HKDC1: variants seen among roughly 807,000 people sequenced by gnomAD.
The protein encoded by HKDC1 is hexokinase HKDC1.
A neutral mutation model predicts 96.6 loss-of-function variants in HKDC1; 66 were observed. That is an observed-to-expected ratio of 0.68 (90% confidence interval 0.56 to 0.84). The LOEUF (loss-of-function observed/expected upper bound fraction) is 0.84. HKDC1 is among the 40% of genes least tolerant of loss of function. The pLI is 0.00. For synonymous variants in HKDC1, 466 were observed against 473.1 expected, an observed-to-expected ratio of 0.98 and a Z score of 0.20; for missense variants, 1,211 against 1,208.1, an observed-to-expected ratio of 1.00 and a Z score of -0.04.
chr10:69,265,643 A>G lies in HKDC1; in HGVS notation c.2431A>G (p.Thr811Ala), dbSNP rs1843884243. 2 of 1,614,056 alleles carry G rather than the reference A, an allele frequency of 1.2e-6. No individual in the cohort carries two copies. Among genetic ancestry groups the G allele is most frequent in the Non-Finnish European group, 1.7e-6 (2 of 1,179,986 alleles). ...RILQQLGLDS[T>A]CEDSIVVKEV... ...TCTGCAGCAGCTGGGCCTGGACAGCACGTGTGAGGACAGCATCGTGGTGAA... is the reference window on the plus strand; with the variant it reads ...TCTGCAGCAGCTGGGCCTGGACAGCGCGTGTGAGGACAGCATCGTGGTGAA... The change falls in exon 17 of 18, where the codon ACG becomes GCG. Residue 811 changes from threonine to alanine, a missense_variant. Coordinates refer to ENST00000354624, the MANE Select transcript of HKDC1 (RefSeq NM_025130.4).
intron 4 of HKDC1, among the ~76,000 whole-genome samples, chr10:69,237,410 A>G (rs923530955): frequency 6.6e-6 from 1 of 152,038 alleles, no homozygotes; most frequent in Admixed American, 6.6e-5. Context: ...GAAAATAGAA[A>G]TCACCACTCA....
chr10:69,261,104 G>GCA (rs1374636828), intron 15 of HKDC1, 35 bp from the exon 16 acceptor site: 2 of 1,596,938 alleles, frequency 1.3e-6, no homozygotes. Flanking sequence ...CTGCATTGCA[G>GCA]GTCTGCCCCA....
At chr10:69,246,719 C>T (rs148762526) in intron 8 of HKDC1, among the ~76,000 whole-genome samples, 100 of 152,334 alleles carry the variant, frequency 6.6e-4, no homozygotes, top group African/African-American at 2.3e-3. Flanking sequence ...GATGTGAGGC[C>T]TTACACACAG....
chr10:69,233,085 C>A lies in HKDC1; in HGVS notation c.447C>A (p.Pro149=). ...KTKDLKHKKL[P]LGLTFSFPCR... ...AAGATTTAAAGCATAAGAAATTGCCCCTTGGCCTAACTTTTTCTTTCCCCT... is the reference window on the plus strand; with the variant it reads ...AAGATTTAAAGCATAAGAAATTGCCACTTGGCCTAACTTTTTCTTTCCCCT... Residue 149 remains proline (P), a synonymous_variant, in exon 4 of 18, where the codon CCC becomes CCA. Transcript: ENST00000354624. 1 of 1,614,140 alleles carries A rather than the reference C, an allele frequency of 6.2e-7. No individual in the cohort carries two copies. The highest frequency in any genetic ancestry group is 1.1e-5 in the South Asian group (1 of 91,082).
Position 69,264,197 on chromosome 10 carries a change from CTGTGTGTGTGTGTGTGTG to C in HKDC1, c.2373-1360_2373-1343del, listed in dbSNP as rs34401681. Among the ~76,000 whole-genome samples the C allele has an allele frequency of 2.1e-4, 30 of 139,542 alleles. 1 individual carries two copies. The highest frequency in any genetic ancestry group is 8.4e-4 in the East Asian group (4 of 4,762). 91.5% of individuals were successfully genotyped at this position (139,542 alleles called of 152,430 possible). ...TCCCAATGTCTGAATAGATTTCCTTCTGTGTGTGTGTGTGTGTGTGTGTGTGTGTGTGTGTGTGTGTGT... is the reference window on the plus strand; with the variant it reads ...TCCCAATGTCTGAATAGATTTCCTTCTGTGTGTGTGTGTGTGTGTGTGTGT... On this transcript the variant is annotated intron_variant, in intron 16 of 17. Transcript: ENST00000354624.
rs1255962795 is a variant in HKDC1 at position 69,227,353 on chromosome 10, C to A, written c.210C>A (p.Ala70=). 1 of 1,614,184 alleles carries A rather than the reference C, an allele frequency of 6.2e-7. No individual in the cohort carries two copies. Among genetic ancestry groups the A allele is most frequent in the Admixed American group, 1.7e-5 (1 of 60,018 alleles). Residue 70 remains alanine, a synonymous_variant, in exon 2 of 18, where the codon GCC becomes GCA. Coordinates refer to ENST00000354624, the MANE Select transcript of HKDC1 (RefSeq NM_025130.4). ...AVKMLPTFVR[A]IPDGSENGEF... ...AGATGTTGCCCACCTTCGTCAGGGC[C>A]ATTCCCGATGGTTCCGGTGAGTGCA...
chr10:69,239,998 A>T (rs1487159375), intron 5 of HKDC1, among the ~76,000 whole-genome samples: 1 of 152,176 alleles, frequency 6.6e-6, no homozygotes, highest in Non-Finnish European at 1.5e-5. Flanking sequence ...AGAACAGGAA[A>T]TCCAGACAGG....
At position 69,246,100 on chromosome 10, in the gene HKDC1, C is replaced by T. The variant is rs746020928; in HGVS notation, c.897C>T (p.Gly299=). The T allele has an allele frequency of 6.2e-7, 1 of 1,614,104 alleles. No homozygotes were observed. Among genetic ancestry groups the T allele is most frequent in the East Asian group, 2.2e-5 (1 of 44,898 alleles). The change falls in exon 8 of 18, where the codon GGC becomes GGT. Residue 299 remains glycine, a synonymous_variant. Coordinates refer to ENST00000354624, the MANE Select transcript of HKDC1 (RefSeq NM_025130.4). ...GCAGGTTCGAGAAGATGATCAGTGG[C>T]CTGTACCTGGGGGAGCTTGTCAGGC... The part of the protein sequence containing the change: ...GKQLFEKMIS[G]LYLGELVRLI...
chr10:69,266,508 G>C, intron 17 of HKDC1, 102 bp from the exon 18 acceptor site: 1 of 1,276,812 alleles, frequency 7.8e-7, no homozygotes, highest in Non-Finnish European at 1.1e-6. Flanking sequence ...GCCTTGAAAA[G>C]CAAACCAAAG....
intron 12 of HKDC1, among the ~76,000 whole-genome samples, chr10:69,250,918 ATAT>A (rs1364728081): frequency 7.2e-5 from 11 of 152,156 alleles, no homozygotes; most frequent in African/African-American, 2.7e-4. Flanking sequence ...AGGTCGAATC[ATAT>A]TATGGAGAGA....
chr10:69,256,718 G>T (rs1050167730), intron 12 of HKDC1, among the ~76,000 whole-genome samples: 3 of 151,396 alleles, frequency 2.0e-5, no homozygotes, highest in Admixed American at 1.3e-4. Flanking sequence ...AAAAAAAAAA[G>T]AAAGAAAGAA....
chr10:69,248,518 G>C lies in HKDC1; in HGVS notation c.1360G>C (p.Ala454Pro). 2 of 1,613,376 alleles carry C rather than the reference G, an allele frequency of 1.2e-6. No homozygotes were observed. The highest frequency in any genetic ancestry group is 2.2e-5 in the South Asian group (2 of 91,046). ...LSESGSTKGA[A>P]MVTAVASRVQ... ...AGAGAGTGGCAGCACCAAGGGGGCC[G>C]CCATGGTGACCGCGGTGGCCTCCCG... The change falls in exon 10 of 18, where the codon GCC becomes CCC. Residue 454 changes from alanine to proline, a missense_variant. Transcript: ENST00000354624.
At chr10:69,260,575 C>T (rs1843789626) in intron 15 of HKDC1, among the ~76,000 whole-genome samples, 1 of 152,158 alleles carries the variant, frequency 6.6e-6, no homozygotes, top group South Asian at 2.1e-4. Context: ...AACCCAAGCC[C>T]AGCACATAAA....
chr10:69,256,581 G>C (rs555493570), intron 12 of HKDC1, among the ~76,000 whole-genome samples: 1 of 152,160 alleles, frequency 6.6e-6, no homozygotes, highest in Non-Finnish European at 1.5e-5. Flanking sequence ...GGTGGCACAT[G>C]CCAGTAATCC....
intron 4 of HKDC1, among the ~76,000 whole-genome samples, chr10:69,235,404 A>G (rs945115623): frequency 2.6e-5 from 4 of 152,074 alleles, no homozygotes; most frequent in African/African-American, 9.7e-5. Flanking sequence ...CCTGGGTGAC[A>G]GCGCGAGACT....
At chr10:69,250,014 A>T (rs2132362116) in intron 10 of HKDC1, among the ~76,000 whole-genome samples, 2 of 152,344 alleles carry the variant, frequency 1.3e-5, no homozygotes, top group South Asian at 4.1e-4. Context: ...ACTCCAGGCC[A>T]GGGCTCTTTT....
At position 69,243,288 on chromosome 10, in the gene HKDC1, C is replaced by T. The variant is rs773579729; in HGVS notation, c.798C>T (p.Asp266=). ...CINTEWGAFG[D]DGALEDIRTE... is the part of the protein sequence containing the mutation. Reference sequence around the variant, plus strand: ...ACACAGAGTGGGGGGCCTTCGGGGACGACGGGGCCCTGGAGGACATTCGCA... The same window carrying T: ...ACACAGAGTGGGGGGCCTTCGGGGATGACGGGGCCCTGGAGGACATTCGCA... Residue 266 remains aspartate (D), a synonymous_variant, in exon 7 of 18, where the codon GAC becomes GAT. Coordinates refer to ENST00000354624, the MANE Select transcript of HKDC1 (RefSeq NM_025130.4). 6.8e-6 allele frequency: 11 copies of T among 1,613,688 alleles called. No individual in the cohort carries two copies. The South Asian group carries it at 7.7e-5, about 11-fold the overall frequency.
Position 69,265,789 on chromosome 10 carries a change from G to C in HKDC1, c.2577G>C (p.Val859=), listed in dbSNP as rs138886817. The C allele has an allele frequency of 4.7e-4, 758 of 1,613,042 alleles. 4 individuals carry two copies. The African/African-American group carries it at 8.5e-3, about 18-fold the overall frequency. The change falls in exon 17 of 18, where the codon GTG becomes GTC. Residue 859 remains valine (V), a synonymous_variant. Transcript: ENST00000354624. ...AGCACCTGAGGATCACTGTGGGTGT[G>C]GACGGCACCCTGTACAAGCTGCACC... The part of the protein sequence containing the change: ...GLEHLRITVG[V]DGTLYKLHPH...
rs1248185050 is a variant in HKDC1 at position 69,247,572 on chromosome 10, C to T, written c.1244C>T (p.Thr415Ile). Residue 415 changes from threonine (T) to isoleucine (I), a missense_variant, in exon 9 of 18, where the codon ACC (threonine) becomes ATC (isoleucine). Physicochemically the swap from Thr to Ile is moderately conservative, Grantham distance 89. Coordinates refer to ENST00000354624, the MANE Select transcript of HKDC1 (RefSeq NM_025130.4). ...RLRTTVGMDGTLYKIHPQYPK... is the reference protein window; with the variant it reads ...RLRTTVGMDGILYKIHPQYPK... ...CGGACCACAGTGGGCATGGACGGCA[C>T]CCTCTACAAGATACACCCTCAGTGA... is the stretch of plus-strand genomic sequence containing the variant. 6.2e-7 allele frequency: 1 copy of T among 1,614,072 alleles called. No individual in the cohort carries two copies. Among genetic ancestry groups the T allele is most frequent in the South Asian group, 1.1e-5 (1 of 91,082 alleles).
Sources: gnomAD v4.1 joint callset for allele counts (sites outside exome capture counted in the v4.1 genomes callset) on GRCh38, gnomAD v4.1.1 for gene constraint, MANE v1.5 for transcripts, NCBI Gene and HGNC (gene_info 2026-07-23, HGNC 2026-07-21) for gene names.